Variants in TUSC3 observed in about 807,000 individuals in gnomAD.
TUSC3 encodes the protein tumor suppressor candidate 3, also known as dolichyl-diphosphooligosaccharide--protein glycosyltransferase subunit TUSC3.
A neutral mutation model predicts 44.8 loss-of-function variants in TUSC3; 45 were observed. That is an observed-to-expected ratio of 1.00 (90% confidence interval 0.79 to 1.29). The LOEUF is 1.29. TUSC3 is among the 50% of genes most tolerant of loss of function. The pLI, the probability that TUSC3 is intolerant of heterozygous loss-of-function variation, is 0.00. For missense variants in TUSC3, 519 were observed against 437.9 expected (o/e 1.19, Z -1.65); for synonymous variants, 212 against 152.9 (o/e 1.39, Z -2.85).
the TUSC3 span, among the ~76,000 whole-genome samples, chr8:15,822,971 A>T: frequency 6.6e-6 from 1 of 152,156 alleles, no homozygotes; most frequent in Non-Finnish European, 1.5e-5. Flanking sequence ...TCGTAACTCA[A>T]TAATACCGAC....
At chr8:15,666,423 G>A (rs943077619) in intron 5 of TUSC3, among the ~76,000 whole-genome samples, 1 of 151,136 alleles carries the variant, frequency 6.6e-6, no homozygotes, top group Non-Finnish European at 1.5e-5. Context: ...TGTTTCTTTT[G>A]CCCCAAATAA....
intron 1 of TUSC3, among the ~76,000 whole-genome samples, chr8:15,476,543 G>A (rs753929370): frequency 9.2e-5 from 14 of 152,072 alleles, no homozygotes; most frequent in Non-Finnish European, 1.5e-4. Flanking sequence ...ATTCTACATC[G>A]TGCTCAAGAA....
At chr8:15,681,834 C>A (rs893401415) in intron 6 of TUSC3, among the ~76,000 whole-genome samples, 3 of 151,956 alleles carry the variant, frequency 2.0e-5, no homozygotes, top group African/African-American at 7.2e-5. Flanking sequence ...ATTGCTTTTA[C>A]TGTATCCCAA....
At position 15,730,428 on chromosome 8, in the gene TUSC3, TAA is replaced by T. The variant is rs1432588318; in HGVS notation, c.799-237_799-236del. Among the ~76,000 whole-genome samples the T allele has an allele frequency of 4.6e-5, 7 of 152,318 alleles. No individual in the cohort carries two copies. In the East Asian group the frequency reaches 7.7e-4, roughly 17 times the overall value. On this transcript the variant is annotated intron_variant, in intron 6 of 10. Coordinates refer to ENST00000503731, the MANE Select transcript of TUSC3 (RefSeq NM_006765.4). Reference sequence around the variant, plus strand: ...TGATAAATCCTTTAACAAGTTATATTAAGTTTGCTTTTGATACTTAGTTGCCA... The same window carrying T: ...TGATAAATCCTTTAACAAGTTATATTGTTTGCTTTTGATACTTAGTTGCCA...
rs1349467713 is a variant in TUSC3, at chr8:15,751,208, G to A, written c.1028+2743G>A. On this transcript the variant is annotated intron_variant, in intron 9 of 10. Transcript: ENST00000503731. ...GCAATCAGGGTATTTTAGGTAATGGGAGGTTTATTGGAGAGAGATATGGAG... is the reference window on the plus strand; with the variant it reads ...GCAATCAGGGTATTTTAGGTAATGGAAGGTTTATTGGAGAGAGATATGGAG... 3.3e-5 allele frequency among the ~76,000 whole-genome samples: 5 copies of A among 152,232 alleles called. No homozygotes were observed. In the South Asian group the frequency reaches 6.2e-4, roughly 19 times the overall value.
chr8:15,718,048 T>A (rs1810131606), intron 6 of TUSC3, among the ~76,000 whole-genome samples: 1 of 152,130 alleles, frequency 6.6e-6, no homozygotes, highest in Admixed American at 6.6e-5. Context: ...TATTGATTGA[T>A]TGATTGATTC....
intron 6 of TUSC3, among the ~76,000 whole-genome samples, chr8:15,687,231 T>C (rs980358451): frequency 1.3e-5 from 2 of 152,222 alleles, no homozygotes; most frequent in Non-Finnish European, 2.9e-5. Context: ...TTAGGTACTC[T>C]GTTTCCAGTA....
intron 1 of TUSC3, among the ~76,000 whole-genome samples, chr8:15,610,128 T>A (rs1338667381): frequency 6.6e-6 from 1 of 152,172 alleles, no homozygotes; most frequent in African/African-American, 2.4e-5. Context: ...TAAATTATAA[T>A]CAGTTTAATG....
chr8:15,493,158 A>G (rs1384728267), intron 2 of TUSC3, among the ~76,000 whole-genome samples: 1 of 152,228 alleles, frequency 6.6e-6, no homozygotes, highest in Non-Finnish European at 1.5e-5. Context: ...AACTTATCCA[A>G]AGTGACAAAG....
intron 1 of TUSC3, among the ~76,000 whole-genome samples, chr8:15,477,945 AAATTT>A (rs1475190462): frequency 3.9e-5 from 6 of 152,030 alleles, no homozygotes; most frequent in Non-Finnish European, 5.9e-5. Flanking sequence ...TCTTTTTTAA[AAATTT>A]AATTTAATTA....
intron 2 of TUSC3, among the ~76,000 whole-genome samples, chr8:15,529,596 A>T (rs1410737008): frequency 6.6e-6 from 1 of 152,070 alleles, no homozygotes; most frequent in Non-Finnish European, 1.5e-5. Flanking sequence ...CTGTTTGAAA[A>T]ATACTAACAT....
At chr8:15,473,796 G>A (rs1178667221) in intron 1 of TUSC3, among the ~76,000 whole-genome samples, 2 of 152,254 alleles carry the variant, frequency 1.3e-5, no homozygotes, top group African/African-American at 4.8e-5. Context: ...ACAGGACAAG[G>A]CAAAACAGAA....
In TUSC3 at chr8:15,423,514, G is replaced by A. The variant is rs144265782; in HGVS notation, n.91+6209G>A. Among the ~76,000 whole-genome samples the A allele has an allele frequency of 3.4e-3, 517 of 152,208 alleles. 4 individuals are homozygous for A. Among genetic ancestry groups the A allele is most frequent in the African/African-American group, 0.011 (448 of 41,530 alleles). On this transcript the variant is annotated intron_variant and non_coding_transcript_variant, in intron 1 of 5. Transcript: ENST00000503191. ...TTTAAGTTCAAAATTGTATTCTTTC[G>A]ATTTCCGTCTTCTGGATTTGGCCCA...
chr8:15,515,786 G>T (rs1801208848), intron 2 of TUSC3, among the ~76,000 whole-genome samples: 1 of 152,022 alleles, frequency 6.6e-6, no homozygotes, highest in African/African-American at 2.4e-5. Flanking sequence ...TCCTGCCTCA[G>T]CTTCCCAAGT....
At chr8:15,487,844 A>C (rs568811560) in intron 2 of TUSC3, among the ~76,000 whole-genome samples, 1 of 151,464 alleles carries the variant, frequency 6.6e-6, no homozygotes, top group East Asian at 1.9e-4. Flanking sequence ...AACTATATCT[A>C]ATTTATTATC....
At chr8:15,771,854 C>G in the TUSC3 span, among the ~76,000 whole-genome samples, 2 of 151,918 alleles carry the variant, frequency 1.3e-5, no homozygotes, top group African/African-American at 4.8e-5. Flanking sequence ...TTTGGGAGGC[C>G]GAGACAGGCG....
intron 9 of TUSC3, among the ~76,000 whole-genome samples, chr8:15,749,580 T>C (rs352784): frequency 0.051 from 7,694 of 151,926 alleles, 443 homozygotes; most frequent in African/African-American, 0.14. Context: ...TTTTTAAAAA[T>C]ATCTGTTCTG....
the TUSC3 span, among the ~76,000 whole-genome samples, chr8:15,820,581 G>C: frequency 6.6e-6 from 1 of 152,074 alleles, no homozygotes; most frequent in Non-Finnish European, 1.5e-5. Flanking sequence ...GCCTCCCAAC[G>C]TGCTGGGATT....
intron 1 of TUSC3, among the ~76,000 whole-genome samples, chr8:15,590,883 A>G (rs1480465297): frequency 6.6e-6 from 1 of 152,074 alleles, no homozygotes; most frequent in African/African-American, 2.4e-5. Flanking sequence ...TATGTTGCCC[A>G]GGCTGGTGTC....
Sources: allele counts gnomAD v4.1 joint callset (sites outside exome capture counted in the v4.1 genomes callset), GRCh38; gene constraint gnomAD v4.1.1; transcripts MANE v1.5; gene names NCBI Gene and HGNC (gene_info 2026-07-23, HGNC 2026-07-21).